The following OR2AG2 variants were observed in gnomAD, a reference collection of about 807,000 sequenced individuals.
The protein encoded by OR2AG2 is olfactory receptor family 2 subfamily AG member 2, also known as olfactory receptor 2AG2.
For missense variants in OR2AG2, 390 were observed against 391.9 expected (o/e 1.00, Z 0.04); for synonymous variants, 167 against 157.1 (o/e 1.06, Z -0.47).
In OR2AG2 at chr11:6,768,710, G is replaced by A. The variant is rs150957205; in HGVS notation, c.248C>T (p.Ala83Val). The part of the protein sequence containing the change: ...FTSVVTPKAL[A>V]DFLRRENTIS... ...AGTGTTTTCTCTGCGCAGAAAGTCC[G>A]CAAGGGCCTTGGGAGTGACAACAGA... The change falls in exon 2 of 2, where the codon GCG (alanine) becomes GTG (valine). Residue 83 changes from alanine (A) to valine (V), a missense_variant. By Grantham distance (64) the Ala-to-Val change is moderately conservative. Coordinates refer to ENST00000641124, the MANE Select transcript of OR2AG2 (RefSeq NM_001004490.2). The A allele has an allele frequency of 1.2e-4, 187 of 1,614,048 alleles. No individual in the cohort carries two copies. The highest frequency in any genetic ancestry group is 1.2e-4 in the Non-Finnish European group (146 of 1,180,024).
In OR2AG2 at chr11:6,767,710, G is replaced by A. The variant is rs898183412; in HGVS notation, c.*297C>T. The A allele has an allele frequency of 3.6e-5, 13 of 357,134 alleles. No individual in the cohort carries two copies. Among genetic ancestry groups the A allele is most frequent in the African/African-American group, 2.7e-4 (13 of 48,036 alleles). The allele number at this position is 357,134 out of a possible 1,614,324, so 22.1% of individuals were successfully genotyped here. A position where few individuals can be genotyped will look rare whatever the true frequency, so the allele number is the denominator to read the frequency against. On this transcript the variant is annotated 3_prime_UTR_variant, in exon 2 of 2. Transcript: ENST00000641124. The stretch of plus-strand genomic sequence containing the variant: ...TGTCTACTTGGTAATGTGTCAGGAC[G>A]ATGCCTACCACAGAGTGAGTCTACA...
At position 6,770,428 on chromosome 11, in the gene OR2AG2, C is replaced by T. The variant is rs112260385; in HGVS notation, c.-537-934G>A. ...AAAAAAAAAAAGTGAGGGATGGTAC[C>T]GTGAAAGTCAGAACCTTAAAATACA... On this transcript the variant is annotated intron_variant, in intron 1 of 1. Coordinates refer to ENST00000641124, the MANE Select transcript of OR2AG2 (RefSeq NM_001004490.2). 8.9e-3 allele frequency among the ~76,000 whole-genome samples: 1,352 copies of T among 151,932 alleles called. 10 individuals carry two copies. Among genetic ancestry groups the T allele is most frequent in the Non-Finnish European group, 0.016 (1,069 of 67,930 alleles).
At chr11:6,771,165 C>T (rs556341139) in intron 1 of OR2AG2, among the ~76,000 whole-genome samples, 1 of 152,314 alleles carries the variant, frequency 6.6e-6, no homozygotes, top group Admixed American at 6.5e-5. Flanking sequence ...TTTTCTTTTT[C>T]ATCTCTGCTC....
chr11:6,769,579 G>C (rs1589992270), intron 1 of OR2AG2, 85 bp from the exon 2 acceptor site: 2 of 152,334 alleles, frequency 1.3e-5, no homozygotes, highest in East Asian at 3.9e-4. Context: ...CAGTACAAAA[G>C]GTGTTTGCTG....
rs1847376822 is a variant in OR2AG2 at position 6,766,560 on chromosome 11, T to C, written c.*1447A>G. ...AGATTAAATAATGTAATATTATTTC[T>C]ATAAAGAAAACAAGAATTATTGTGT... On this transcript the variant is annotated 3_prime_UTR_variant, in exon 2 of 2. Coordinates refer to ENST00000641124, the MANE Select transcript of OR2AG2 (RefSeq NM_001004490.2). 1 of 152,186 alleles carries C rather than the reference T, an allele frequency of 6.6e-6. No individual in the cohort carries two copies. 9.4% of individuals were successfully genotyped at this position (152,186 alleles called of 1,614,324 possible).
At chr11:6,769,951 G>A (rs1019494577) in intron 1 of OR2AG2, among the ~76,000 whole-genome samples, 2 of 152,210 alleles carry the variant, frequency 1.3e-5, no homozygotes, top group African/African-American at 2.4e-5. Context: ...TTTCACAGTC[G>A]GATGGAAGAC....
chr11:6,770,680 G>A (rs2119661772), intron 1 of OR2AG2, among the ~76,000 whole-genome samples: 1 of 152,224 alleles, frequency 6.6e-6, no homozygotes, highest in South Asian at 2.1e-4. Context: ...TCAATTCTAA[G>A]CACTATTTCT....
chr11:6,768,080 C>T lies in OR2AG2; in HGVS notation c.878G>A (p.Arg293Lys), dbSNP rs773584491. The T allele has an allele frequency of 1.2e-5, 19 of 1,613,940 alleles. No homozygotes were observed. The highest frequency in any genetic ancestry group is 1.6e-5 in the Non-Finnish European group (19 of 1,180,006). Residue 293 changes from arginine to lysine, a missense_variant, in exon 2 of 2, where the codon AGG (arginine) becomes AAG (lysine). Transcript: ENST00000641124. The stretch of plus-strand genomic sequence containing the variant: ...CAAGGCCCGCATGACCTCCTTATTC[C>T]TCAGGCTGTAGATGAGTGGATTCAG... The part of the protein sequence containing the change: ...PALNPLIYSL[R>K]NKEVMRALRR...
In OR2AG2 at chr11:6,768,400, C is replaced by A. The variant is rs745838956; in HGVS notation, c.558G>T (p.Lys186Asn). 1 of 1,614,204 alleles carries A rather than the reference C, an allele frequency of 6.2e-7. No homozygotes were observed. Among genetic ancestry groups the A allele is most frequent in the Middle Eastern group, 1.6e-4 (1 of 6,062 alleles). The part of the protein sequence containing the change: ...HLLCEIPPLL[K>N]LACADTSRYE... ...ACCTGGAGGTATCAGCACAGGCCAA[C>A]TTCAGCAAGGGTGGGATCTCACAGA... is the stretch of plus-strand genomic sequence containing the variant. The change falls in exon 2 of 2, where the codon AAG becomes AAT. Residue 186 changes from lysine (K) to asparagine (N), a missense_variant. Coordinates refer to ENST00000641124, the MANE Select transcript of OR2AG2 (RefSeq NM_001004490.2).
rs745904852 is a variant in OR2AG2, at chr11:6,767,986, G to A, written c.*21C>T. 13 of 1,567,954 alleles carry A rather than the reference G, an allele frequency of 8.3e-6. No homozygotes were observed. Among genetic ancestry groups the A allele is most frequent in the Non-Finnish European group, 1.1e-5 (13 of 1,151,648 alleles). ...ATTTTATCTGGAGGAGGAATGGTGA[G>A]AGGCAAGCCATGATCCTTCCCTAGA... On this transcript the variant is annotated 3_prime_UTR_variant, in exon 2 of 2. Transcript: ENST00000641124.
chr11:6,767,832 T>C lies in OR2AG2; in HGVS notation c.*175A>G, dbSNP rs530537956. On this transcript the variant is annotated 3_prime_UTR_variant, in exon 2 of 2. Transcript: ENST00000641124. ...GCCAAATGAGTTTAACTCAAGATCA[T>C]TGTACACACCAGATTCACAGTTGAA... is the stretch of plus-strand genomic sequence containing the variant. 2.1e-5 allele frequency: 13 copies of C among 607,964 alleles called. No homozygotes were observed. In the African/African-American group the frequency reaches 2.2e-4, roughly 10 times the overall value. 37.7% of individuals were successfully genotyped at this position (607,964 alleles called of 1,614,324 possible).
Position 6,769,287 on chromosome 11 carries a change from A to G in OR2AG2, c.-330T>C, listed in dbSNP as rs770500599. ...ATCTCTTTCTTCACAATGAACAAAT[A>G]TACTGGGGATTGGTTTAAGATCTAG... On this transcript the variant is annotated 5_prime_UTR_variant, in exon 2 of 2. Coordinates refer to ENST00000641124, the MANE Select transcript of OR2AG2 (RefSeq NM_001004490.2). 2 of 231,398 alleles carry G rather than the reference A, an allele frequency of 8.6e-6. No individual in the cohort carries two copies. The highest frequency in any genetic ancestry group is 1.7e-5 in the Non-Finnish European group (2 of 118,608). The allele number at this position is 231,398 out of a possible 1,614,324, so 14.3% of individuals were successfully genotyped here. A position where few individuals can be genotyped will look rare whatever the true frequency, so the allele number is the denominator to read the frequency against.
At position 6,768,013 on chromosome 11, in the gene OR2AG2, C is replaced by T. The variant is rs75380576; in HGVS notation, c.945G>A (p.Thr315=). Residue 315 remains threonine (T), a synonymous_variant, in exon 2 of 2, where the codon ACG becomes ACA. Transcript: ENST00000641124. ...GGCAAGCCATGATCCTTCCCTAGAG[C>T]GTGGAATGTGCCAGCAGTATGTATT... is the stretch of plus-strand genomic sequence containing the variant. The part of the protein sequence containing the change: ...LGKYILLAHS[T]L 5.1e-4 allele frequency: 821 copies of T among 1,609,524 alleles called. 15 individuals are homozygous for T. The East Asian group carries it at 0.018, about 35-fold the overall frequency.
At chr11:6,770,377 A>C (rs552871389) in intron 1 of OR2AG2, among the ~76,000 whole-genome samples, 33 of 152,242 alleles carry the variant, frequency 2.2e-4, no homozygotes, top group African/African-American at 6.0e-4. Context: ...GAGGTGGCTA[A>C]ATCAAAATGG....
At chr11:6,771,401 A>G (rs1847445549) in intron 1 of OR2AG2, among the ~76,000 whole-genome samples, 1 of 152,224 alleles carries the variant, frequency 6.6e-6, no homozygotes, top group Non-Finnish European at 1.5e-5. Context: ...CAGGAATTCT[A>G]GGAACTCACG....
At position 6,766,746 on chromosome 11, in the gene OR2AG2, G is replaced by A. The variant is rs2119648004; in HGVS notation, c.*1261C>T. The A allele has an allele frequency of 6.6e-6, 1 of 152,174 alleles. No individual in the cohort carries two copies. Among genetic ancestry groups the A allele is most frequent in the Non-Finnish European group, 1.5e-5 (1 of 67,974 alleles). The allele number at this position is 152,174 out of a possible 1,614,324, so 9.4% of individuals were successfully genotyped here. On this transcript the variant is annotated 3_prime_UTR_variant, in exon 2 of 2. Coordinates refer to ENST00000641124, the MANE Select transcript of OR2AG2 (RefSeq NM_001004490.2). Reference sequence around the variant, plus strand: ...AAGGCTTATTTAGGCTAGCTAGAAAGCAAATTATAAATTTTATACTTCCTT... The same window carrying A: ...AAGGCTTATTTAGGCTAGCTAGAAAACAAATTATAAATTTTATACTTCCTT...
intron 1 of OR2AG2, 149 bp from the exon 2 acceptor site, chr11:6,769,643 T>C (rs1847428239): frequency 6.6e-6 from 1 of 152,268 alleles, no homozygotes; most frequent in African/African-American, 2.4e-5. Context: ...ATACATGAGA[T>C]TTGTGGTGGC....
rs935809549 is a variant in OR2AG2, at chr11:6,767,927, A to T, written c.*80T>A. On this transcript the variant is annotated 3_prime_UTR_variant, in exon 2 of 2. Coordinates refer to ENST00000641124, the MANE Select transcript of OR2AG2 (RefSeq NM_001004490.2). ...AGTATTGAAGAATGAGTGAGTAGAG[A>T]ATTTTATTTGGAGCAGGAATGAGTG... 11 of 1,199,764 alleles carry T rather than the reference A, an allele frequency of 9.2e-6. No individual in the cohort carries two copies. In the Admixed American group the frequency reaches 2.5e-4, roughly 27 times the overall value. The allele number at this position is 1,199,764 out of a possible 1,614,324, so 74.3% of individuals were successfully genotyped here.
chr11:6,769,038 G>T lies in OR2AG2; in HGVS notation c.-81C>A. On this transcript the variant is annotated 5_prime_UTR_variant, in exon 2 of 2. Transcript: ENST00000641124. Reference sequence around the variant, plus strand: ...AAGGTGTTCACTCTAGCTTTGGATTGTTCTAGGTCACTGTGCATTGGCCAA... The same window carrying T: ...AAGGTGTTCACTCTAGCTTTGGATTTTTCTAGGTCACTGTGCATTGGCCAA... 1 of 982,640 alleles carries T rather than the reference G, an allele frequency of 1.0e-6. No homozygotes were observed. The highest frequency in any genetic ancestry group is 1.6e-5 in the South Asian group (1 of 61,450). 60.9% of individuals were successfully genotyped at this position (982,640 alleles called of 1,614,324 possible).
Sources: gnomAD v4.1 joint callset for allele counts (sites outside exome capture counted in the v4.1 genomes callset) on GRCh38, gnomAD v4.1.1 for gene constraint, MANE v1.5 for transcripts, NCBI Gene and HGNC (gene_info 2026-07-23, HGNC 2026-07-21) for gene names.